USP32: variants seen among roughly 807,000 people sequenced by gnomAD.
USP32 encodes ubiquitin carboxyl-terminal hydrolase 32.
A neutral mutation model predicts 204.8 loss-of-function variants in USP32; 59 were observed. The observed-to-expected ratio is 0.29, with a 90% CI of 0.23 to 0.36. The LOEUF is 0.36. Ranked by LOEUF, USP32 falls within the 10% of genes least tolerant of loss-of-function variation. The pLI is 1.00. For synonymous variants in USP32, 517 were observed against 678.4 expected (o/e 0.76, Z 3.70); for missense variants, 1,160 against 1,946.4 (o/e 0.60, Z 7.60).
Position 60,226,142 on chromosome 17 carries a change from G to C in USP32, c.1329C>G (p.Val443=), listed in dbSNP as rs775723014. 1 of 1,607,212 alleles carries C rather than the reference G, an allele frequency of 6.2e-7. No individual in the cohort carries two copies. Among genetic ancestry groups the C allele is most frequent in the Non-Finnish European group, 8.5e-7 (1 of 1,177,676 alleles). The change falls in exon 13 of 34, where the codon GTC becomes GTG. Residue 443 remains valine, a synonymous_variant. Coordinates refer to ENST00000300896, the MANE Select transcript of USP32 (RefSeq NM_032582.4). ...FGTAAHPMEQ[V]EDRIGSSLSY... Reference sequence around the variant, plus strand: ...TGAGGCTGCTTCCAATTCTATCTTCGACCTGCTCCATAGGATGGGCTGCAG... The same window carrying C: ...TGAGGCTGCTTCCAATTCTATCTTCCACCTGCTCCATAGGATGGGCTGCAG...
intron 16 of USP32, among the ~76,000 whole-genome samples, chr17:60,218,191 T>C (rs979722634): frequency 1.4e-4 from 21 of 152,138 alleles, no homozygotes; most frequent in African/African-American, 5.1e-4. Flanking sequence ...GAGACCATCC[T>C]GGCTAACATG....
chr17:60,322,358 A>G (rs2088133463), intron 2 of USP32, among the ~76,000 whole-genome samples: 1 of 152,182 alleles, frequency 6.6e-6, no homozygotes, highest in African/African-American at 2.4e-5. Flanking sequence ...AAATCAATGA[A>G]TTTAATAAGC....
chr17:60,271,435 C>T lies in USP32; in HGVS notation c.618G>A (p.Leu206=). 1.9e-6 allele frequency: 3 copies of T among 1,614,124 alleles called. No homozygotes were observed. Among genetic ancestry groups the T allele is most frequent in the Non-Finnish European group, 2.5e-6 (3 of 1,180,016 alleles). The change falls in exon 6 of 34, where the codon TTG becomes TTA. Residue 206 remains leucine (L), a synonymous_variant. Coordinates refer to ENST00000300896, the MANE Select transcript of USP32 (RefSeq NM_032582.4). ...ATCGTCCAGTCCGGGATTGAGCCTT[C>T]AATAACCAATAGCGTTTCTCAAGAT... The part of the protein sequence containing the change: ...IIDLEKRYWL[L]KAQSRTGRFD...
In USP32 at chr17:60,301,583, T is replaced by A; in HGVS notation, c.292+16A>T. 1 of 1,475,760 alleles carries A rather than the reference T, an allele frequency of 6.8e-7. No homozygotes were observed. The allele number at this position is 1,475,760 out of a possible 1,614,324, so 91.4% of individuals were successfully genotyped here. A position where few individuals can be genotyped will look rare whatever the true frequency, so the allele number is the denominator to read the frequency against. ...GTACATAGACGAATTATTTTTGAGA[T>A]AATAAAAGTACTTACATTTTGCTTT... On this transcript the variant is annotated intron_variant, in intron 3 of 33. Coordinates refer to ENST00000300896, the MANE Select transcript of USP32 (RefSeq NM_032582.4).
rs1262494593 is a variant in USP32 at position 60,219,671 on chromosome 17, C to T, written c.1866G>A (p.Met622Ile). ...GAAACATTCTCAGGCTCATCATACC[C>T]ATATTCACCCAGATGTTAGACTGCT... ...RTQQSNIWVN[M>I]GNVPSPNAPL... is the part of the protein sequence containing the mutation. The change falls in exon 16 of 34, where the codon ATG becomes ATA. Residue 622 changes from methionine to isoleucine, a missense_variant and splice_region_variant. Transcript: ENST00000300896. The T allele has an allele frequency of 6.3e-7, 1 of 1,596,028 alleles. No homozygotes were observed. The highest frequency in any genetic ancestry group is 8.5e-7 in the Non-Finnish European group (1 of 1,170,456).
chr17:60,363,372 T>C (rs1255344402), intron 1 of USP32, among the ~76,000 whole-genome samples: 1 of 150,230 alleles, frequency 6.7e-6, no homozygotes, highest in Non-Finnish European at 1.5e-5. Flanking sequence ...GGAGAATTGC[T>C]TGAACCCGGG....
chr17:60,241,778 A>G (rs1371992334), intron 11 of USP32, among the ~76,000 whole-genome samples: 1 of 152,208 alleles, frequency 6.6e-6, no homozygotes, highest in African/African-American at 2.4e-5. Flanking sequence ...ATACTTTATC[A>G]TATATAAAAT....
chr17:60,270,772 G>A (rs945648414), intron 6 of USP32, among the ~76,000 whole-genome samples: 9 of 149,878 alleles, frequency 6.0e-5, no homozygotes, highest in South Asian at 2.1e-4. Flanking sequence ...GCAGTGAGCC[G>A]AGATGGCGCC....
chr17:60,310,795 G>T (rs1218574859), intron 2 of USP32, among the ~76,000 whole-genome samples: 1 of 152,180 alleles, frequency 6.6e-6, no homozygotes, highest in South Asian at 2.1e-4. Flanking sequence ...TAGCACTTTG[G>T]GAGGCCAAGG....
At chr17:60,268,392 G>T (rs2086647763) in intron 7 of USP32, among the ~76,000 whole-genome samples, 1 of 143,420 alleles carries the variant, frequency 7.0e-6, no homozygotes, top group South Asian at 2.2e-4. Context: ...AACATAACAA[G>T]ACACTATCTC....
rs575144479 is a variant in USP32, at chr17:60,205,435, C to T, written c.3249+12G>A. The T allele has an allele frequency of 7.5e-6, 12 of 1,606,056 alleles. No individual in the cohort carries two copies. Among genetic ancestry groups the T allele is most frequent in the South Asian group, 4.4e-5 (4 of 90,586 alleles). ...GCAAGACTGGCAGTGAGTTGCCTAA[C>T]ATTTAACTAACCATTTTTCGGTGGA... is the stretch of plus-strand genomic sequence containing the variant. On this transcript the variant is annotated intron_variant, in intron 26 of 33. Transcript: ENST00000300896.
chr17:60,337,321 G>A (rs1376662259), intron 2 of USP32, among the ~76,000 whole-genome samples: 1 of 152,048 alleles, frequency 6.6e-6, no homozygotes, highest in East Asian at 1.9e-4. Context: ...AATCTAATAC[G>A]GCTTTTGATT....
At chr17:60,419,845 ATTATTATTATTATTATT>A (rs1467084022) in intron 1 of USP32, among the ~76,000 whole-genome samples, 2 of 143,486 alleles carry the variant, frequency 1.4e-5, no homozygotes, top group Non-Finnish European at 3.1e-5. Flanking sequence ...TATTATTATT[ATTATTATTATTATTATT>A]TTATTATTAT....
rs184990141 is a variant in USP32, at chr17:60,421,435, G to T, written c.106+811C>A. 89 of 985,658 alleles carry T rather than the reference G, an allele frequency of 9.0e-5. No homozygotes were observed. The East Asian group carries it at 8.6e-3, about 96-fold the overall frequency. 61.1% of individuals were successfully genotyped at this position (985,658 alleles called of 1,614,324 possible). A position where few individuals can be genotyped will look rare whatever the true frequency, so the allele number is the denominator to read the frequency against. ...CCGCTGGGTGGCAGGGGAGGCCCGGGCCGACGGCGGTCCCACCGCACTGTC... is the reference window on the plus strand; with the variant it reads ...CCGCTGGGTGGCAGGGGAGGCCCGGTCCGACGGCGGTCCCACCGCACTGTC... On this transcript the variant is annotated intron_variant, in intron 1 of 3. Coordinates refer to the USP32 transcript ENST00000588898.
At chr17:60,325,501 G>T (rs890842616) in intron 2 of USP32, among the ~76,000 whole-genome samples, 1 of 152,174 alleles carries the variant, frequency 6.6e-6, no homozygotes, top group Non-Finnish European at 1.5e-5. Context: ...TCATAATATT[G>T]TAAATAACAC....
intron 2 of USP32, among the ~76,000 whole-genome samples, chr17:60,316,533 T>C (rs956945113): frequency 1.3e-5 from 2 of 152,108 alleles, no homozygotes; most frequent in Non-Finnish European, 1.5e-5. Context: ...TTCTGTGTTG[T>C]TCCTGTAACT....
At chr17:60,241,524 A>G (rs2085879031) in intron 11 of USP32, among the ~76,000 whole-genome samples, 1 of 152,052 alleles carries the variant, frequency 6.6e-6, no homozygotes, top group Non-Finnish European at 1.5e-5. Flanking sequence ...TGAAATGGGC[A>G]GTTTGTTCTT....
At chr17:60,391,487 T>G (rs541293624) in intron 1 of USP32, among the ~76,000 whole-genome samples, 6 of 151,812 alleles carry the variant, frequency 4.0e-5, no homozygotes, top group African/African-American at 1.5e-4. Context: ...AGGAACGAGG[T>G]TAGGATGTTA....
chr17:60,420,446 T>A (rs2143134535), intron 1 of USP32, among the ~76,000 whole-genome samples: 1 of 152,224 alleles, frequency 6.6e-6, no homozygotes, highest in Admixed American at 6.5e-5. Context: ...GGCAAGCAGA[T>A]CACCTGAAGT....
Sources: gnomAD v4.1 joint callset for allele counts (sites outside exome capture counted in the v4.1 genomes callset) on GRCh38, gnomAD v4.1.1 for gene constraint, MANE v1.5 for transcripts, NCBI Gene and HGNC (gene_info 2026-07-23, HGNC 2026-07-21) for gene names.